The following SLC15A5 variants were observed in gnomAD, a reference collection of about 807,000 sequenced individuals.
SLC15A5 encodes Peptide/histidine transporter ENSP00000340402.
In SLC15A5, 58 loss-of-function variants were observed where a neutral mutation model predicts 56.1. That is an observed-to-expected ratio of 1.03 (90% CI 0.84 to 1.29). The LOEUF (loss-of-function observed/expected upper bound fraction) is 1.29, where lower values mean the gene tolerates loss of function less well. Among genes scored for constraint, SLC15A5 ranks in the 50% most tolerant of loss-of-function variants. The pLI, the probability that SLC15A5 is intolerant of heterozygous loss-of-function variation, is 0.00. For synonymous variants in SLC15A5, 264 were observed against 250.5 expected, an observed-to-expected ratio of 1.05 and a Z score of -0.51; for missense variants, 681 against 672.1, an observed-to-expected ratio of 1.01 and a Z score of -0.15.
chr12:16,256,482 A>AG (rs1345310807), intron 3 of SLC15A5, among the ~76,000 whole-genome samples: 1 of 152,224 alleles, frequency 6.6e-6, no homozygotes, highest in African/African-American at 2.4e-5. Flanking sequence ...GGAAATACAG[A>AG]GGGAAAGCAC....
chr12:16,257,742 A>G lies in SLC15A5; in HGVS notation c.713T>C (p.Leu238Pro). 6.6e-7 allele frequency: 1 copy of G among 1,523,574 alleles called. No individual in the cohort carries two copies. Among genetic ancestry groups the G allele is most frequent in the Admixed American group, 2.1e-5 (1 of 47,794 alleles). The allele number at this position is 1,523,574 out of a possible 1,614,324, so 94.4% of individuals were successfully genotyped here. Residue 238 changes from leucine (L) to proline (P), a missense_variant, in exon 3 of 9, where the codon CTT becomes CCT. Transcript: ENST00000344941. ...AATTAGGTTGTAGTATATCATATGA[A>G]GAGTTATCACAGCCATAAGCATAGA... ...FMSMLMAVIT[L>P]HMIYYNLIYQ...
rs1048483575 is a variant in SLC15A5, at chr12:16,271,987, A to C, written c.584+574T>G. On this transcript the variant is annotated intron_variant, in intron 2 of 8. Coordinates refer to ENST00000344941, the MANE Select transcript of SLC15A5 (RefSeq NM_001170798.1). This position sits in a 1 kb window ranked among gnomAD's most constrained non-coding sequence, Gnocchi z 8.0. ...GGGTGATGCTTTAACAAATTGCAAA[A>C]TACTTCTTTCATCTTTGCATCTTCT... 2.0e-5 allele frequency among the ~76,000 whole-genome samples: 3 copies of C among 152,138 alleles called. No individual in the cohort carries two copies. Among genetic ancestry groups the C allele is most frequent in the African/African-American group, 7.2e-5 (3 of 41,442 alleles).
chr12:16,274,552 C>T (rs539881325), intron 1 of SLC15A5, among the ~76,000 whole-genome samples: 1 of 152,204 alleles, frequency 6.6e-6, no homozygotes, highest in East Asian at 1.9e-4. Context: ...AGACTATATG[C>T]CCTTAATAGC....
chr12:16,274,699 C>T (rs1028799134), intron 1 of SLC15A5, among the ~76,000 whole-genome samples: 13 of 152,008 alleles, frequency 8.6e-5, no homozygotes, highest in African/African-American at 2.7e-4. Flanking sequence ...GTAGGTGTGA[C>T]GTGAGGCCTG....
At chr12:16,259,171 C>A (rs1864614060) in intron 2 of SLC15A5, among the ~76,000 whole-genome samples, 1 of 149,976 alleles carries the variant, frequency 6.7e-6, no homozygotes, top group African/African-American at 2.5e-5. Flanking sequence ...GTAGCTGGGA[C>A]CACAAGCACG....
chr12:16,209,243 T>G (rs1422757387), intron 7 of SLC15A5, among the ~76,000 whole-genome samples: 1 of 152,090 alleles, frequency 6.6e-6, no homozygotes, highest in Non-Finnish European at 1.5e-5. Flanking sequence ...TGAATATACA[T>G]ATGTGCATAT....
At chr12:16,272,997 GT>G (rs796195708) in intron 1 of SLC15A5, among the ~76,000 whole-genome samples, 31 of 147,688 alleles carry the variant, frequency 2.1e-4, no homozygotes, top group Admixed American at 2.7e-4. Flanking sequence ...GGAGTTTTAG[GT>G]TTTTTTTTTT....
At chr12:16,195,916 A>G (rs1049905491) in intron 7 of SLC15A5, among the ~76,000 whole-genome samples, 4 of 152,126 alleles carry the variant, frequency 2.6e-5, no homozygotes, top group Non-Finnish European at 5.9e-5. Context: ...AGCTGTGTCT[A>G]TTATATTCTT....
intron 7 of SLC15A5, among the ~76,000 whole-genome samples, chr12:16,206,545 A>G (rs1384522065): frequency 6.6e-6 from 1 of 152,168 alleles, no homozygotes; most frequent in Non-Finnish European, 1.5e-5. Context: ...TCTAATAAGG[A>G]CTCAAATTTT....
intron 7 of SLC15A5, among the ~76,000 whole-genome samples, chr12:16,199,062 G>A (rs922126002): frequency 1.9e-4 from 29 of 151,780 alleles, no homozygotes; most frequent in African/African-American, 6.3e-4. Context: ...AACCTAAGAC[G>A]TTTCACTTCC....
intron 4 of SLC15A5, among the ~76,000 whole-genome samples, chr12:16,242,568 A>G (rs7134052): frequency 0.021 from 3,270 of 152,320 alleles, 120 homozygotes; most frequent in African/African-American, 0.072. Context: ...CTGTGAAGCC[A>G]TCTTTTAGAA....
In SLC15A5 at chr12:16,271,735, G is replaced by A. The variant is rs865815640; in HGVS notation, c.584+826C>T. Among the ~76,000 whole-genome samples the A allele has an allele frequency of 3.9e-5, 6 of 151,962 alleles. No individual in the cohort carries two copies. Among genetic ancestry groups the A allele is most frequent in the Non-Finnish European group, 8.8e-5 (6 of 67,966 alleles). On this transcript the variant is annotated intron_variant, in intron 2 of 8. Transcript: ENST00000344941. The surrounding 1 kb of genome is among the most constrained non-coding windows in gnomAD (Gnocchi z 8.0). ...ATAGATAACAAAGAATAACAAAGAAGTTTTATACTAAATTCTTAACTACCC... is the reference window on the plus strand; with the variant it reads ...ATAGATAACAAAGAATAACAAAGAAATTTTATACTAAATTCTTAACTACCC...
At chr12:16,266,665 A>G (rs1473011400) in intron 2 of SLC15A5, among the ~76,000 whole-genome samples, 10 of 152,208 alleles carry the variant, frequency 6.6e-5, no homozygotes, top group Admixed American at 6.5e-4. Flanking sequence ...CTATAAAAAA[A>G]AGAAATAAAA....
intron 8 of SLC15A5, among the ~76,000 whole-genome samples, chr12:16,191,851 C>T (rs971998507): frequency 2.0e-5 from 3 of 152,104 alleles, no homozygotes; most frequent in African/African-American, 7.2e-5. Context: ...TCCAGAATCT[C>T]CTTACTTCTG....
At chr12:16,266,832 A>C (rs1204154760) in intron 2 of SLC15A5, among the ~76,000 whole-genome samples, 1 of 152,170 alleles carries the variant, frequency 6.6e-6, no homozygotes, top group Non-Finnish European at 1.5e-5. Flanking sequence ...CAGCAGTAAA[A>C]ATATGTTTCT....
At chr12:16,276,107 T>A (rs556669955) in intron 1 of SLC15A5, among the ~76,000 whole-genome samples, 1 of 152,034 alleles carries the variant, frequency 6.6e-6, no homozygotes, top group Non-Finnish European at 1.5e-5. Flanking sequence ...CCCAGAATAA[T>A]GTCTGGTACA....
intron 3 of SLC15A5, among the ~76,000 whole-genome samples, chr12:16,253,607 ACACTTCTAAT>A (rs1419717718): frequency 1.3e-5 from 2 of 152,186 alleles, no homozygotes; most frequent in East Asian, 3.9e-4. Flanking sequence ...GCCGTGGCTC[ACACTTCTAAT>A]CCCAGCATTT....
intron 3 of SLC15A5, among the ~76,000 whole-genome samples, chr12:16,250,324 G>A (rs1864507286): frequency 1.3e-5 from 2 of 152,018 alleles, no homozygotes; most frequent in Non-Finnish European, 2.9e-5. Flanking sequence ...TGTGTTCAGA[G>A]TGCTACAGGA....
intron 5 of SLC15A5, among the ~76,000 whole-genome samples, chr12:16,232,576 C>T (rs549842796): frequency 7.9e-5 from 12 of 152,140 alleles, no homozygotes; most frequent in South Asian, 6.2e-4. Flanking sequence ...AAGAGCTTTC[C>T]GTTTAGGAAA....
Sources: gnomAD v4.1 joint callset for allele counts (sites outside exome capture counted in the v4.1 genomes callset) on GRCh38, gnomAD v4.1.1 for gene constraint, Gnocchi (gnomAD v3.1) non-coding constraint, MANE v1.5 for transcripts, NCBI Gene and HGNC (gene_info 2026-07-23, HGNC 2026-07-21) for gene names.